BDP1: variants seen among roughly 807,000 people sequenced by gnomAD.
The protein encoded by BDP1 is transcription factor TFIIIB component B'' homolog.
Under a neutral mutation model 266.6 loss-of-function variants are expected in BDP1, and 169 were observed. That is an observed-to-expected ratio of 0.63 (90% CI 0.56 to 0.72). The LOEUF (loss-of-function observed/expected upper bound fraction) is 0.72, where lower values mean the gene tolerates loss of function less well. BDP1 is among the 30% of genes least tolerant of loss of function. BDP1 has a pLI of 0.00. For synonymous variants in BDP1, 1,090 were observed against 1,022.4 expected (o/e 1.07, Z -1.26); for missense variants, 3,015 against 3,053.8 (o/e 0.99, Z 0.30).
chr5:71,510,023 T>C lies in BDP1; in HGVS notation c.2931T>C (p.Thr977=). The part of the protein sequence containing the change: ...REKTPEVTDA[T]EEIDKNLEET... ...AGACACCAGAGGTGACTGATGCCAC[T>C]GAGGAAATAGACAAAAATTTGGAAG... is the stretch of plus-strand genomic sequence containing the variant. The change falls in exon 17 of 39, where the codon ACT becomes ACC. Residue 977 remains threonine (T), a synonymous_variant. Transcript: ENST00000358731. 1 of 1,613,574 alleles carries C rather than the reference T, an allele frequency of 6.2e-7. No homozygotes were observed. The highest frequency in any genetic ancestry group is 1.3e-5 in the African/African-American group (1 of 74,826).
At chr5:71,471,401 C>CA (rs1762243985) in intron 7 of BDP1, among the ~76,000 whole-genome samples, 1 of 152,138 alleles carries the variant, frequency 6.6e-6, no homozygotes, top group African/African-American at 2.4e-5. Flanking sequence ...CTTGGCCTCC[C>CA]ACCAAGTGCT....
chr5:71,476,810 TCTC>T (rs1469688113), intron 7 of BDP1, among the ~76,000 whole-genome samples: 1 of 151,874 alleles, frequency 6.6e-6, no homozygotes, highest in Non-Finnish European at 1.5e-5. Flanking sequence ...TTCACACCAT[TCTC>T]CTGCCTCAGC....
At chr5:71,530,202 T>A (rs372704188) in intron 25 of BDP1, among the ~76,000 whole-genome samples, 21 of 151,788 alleles carry the variant, frequency 1.4e-4, no homozygotes, top group African/African-American at 4.1e-4. Context: ...AACTTTAAAA[T>A]TTTTTTTTGT....
In BDP1 at chr5:71,512,386, A is replaced by G; in HGVS notation, c.4205A>G (p.Gln1402Arg). ...GATAAAACAGAAGTCCAGGGGATTC[A>G]ATCTCCAGATGTTCCAGAGCAGTTT... is the stretch of plus-strand genomic sequence containing the variant. ...ESDKTEVQGI[Q>R]SPDVPEQFSD... The change falls in exon 18 of 39, where the codon CAA becomes CGA. Residue 1402 changes from glutamine (Q) to arginine (R), a missense_variant. By Grantham distance (43) the Gln-to-Arg change is conservative. Coordinates refer to ENST00000358731, the MANE Select transcript of BDP1 (RefSeq NM_018429.3). 1 of 1,585,810 alleles carries G rather than the reference A, an allele frequency of 6.3e-7. No individual in the cohort carries two copies. The highest frequency in any genetic ancestry group is 8.5e-7 in the Non-Finnish European group (1 of 1,172,418).
Position 71,501,638 on chromosome 5 carries a change from C to T in BDP1, c.2033C>T (p.Ala678Val), listed in dbSNP as rs1466790685. The change falls in exon 14 of 39, where the codon GCT (alanine) becomes GTT (valine). Residue 678 changes from alanine (A) to valine (V), a missense_variant. By Grantham distance (64) the Ala-to-Val change is moderately conservative (BLOSUM62 0). Transcript: ENST00000358731. ...ACTACAGAGAGAGAGAATCCAGAAG[C>T]TGAAACTGTATCTGTGTGAGTATTC... is the stretch of plus-strand genomic sequence containing the variant. ...METTERENPE[A>V]ETVSVLGEKN... is the part of the protein sequence containing the mutation. 6.8e-7 allele frequency: 1 copy of T among 1,466,014 alleles called. No homozygotes were observed. 90.8% of individuals were successfully genotyped at this position (1,466,014 alleles called of 1,614,324 possible).
Position 71,522,819 on chromosome 5 carries a change from G to A in BDP1, c.5257G>A (p.Glu1753Lys). The A allele has an allele frequency of 6.2e-7, 1 of 1,613,752 alleles. No individual in the cohort carries two copies. The highest frequency in any genetic ancestry group is 8.5e-7 in the Non-Finnish European group (1 of 1,179,920). ...SARKDCVGSK[E>K]SALAKIDAEL... The stretch of plus-strand genomic sequence containing the variant: ...AAGAAAAGATTGTGTAGGTTCCAAA[G>A]AGTCTGCTTTGGCAAAAATAGATGC... The change falls in exon 24 of 39, where the codon GAG becomes AAG. Residue 1753 changes from glutamate (E) to lysine (K), a missense_variant. Physicochemically the swap from Glu to Lys is moderately conservative, Grantham distance 56 (BLOSUM62 1). This residue lies in a region of BDP1 where 2,383 missense variants were observed against 2,404.9 expected (regional missense o/e 0.99). Coordinates refer to ENST00000358731, the MANE Select transcript of BDP1 (RefSeq NM_018429.3).
At chr5:71,546,202 A>T (rs981617852) in intron 32 of BDP1, among the ~76,000 whole-genome samples, 1 of 152,148 alleles carries the variant, frequency 6.6e-6, no homozygotes, top group African/African-American at 2.4e-5. Flanking sequence ...ATTTTGAAAA[A>T]TTTTAAACTT....
chr5:71,535,367 A>G (rs1434615856), intron 26 of BDP1, among the ~76,000 whole-genome samples: 8 of 151,684 alleles, frequency 5.3e-5, no homozygotes, highest in African/African-American at 1.9e-4. Flanking sequence ...ACCACATCCA[A>G]CTAATTTTTG....
intron 4 of BDP1, among the ~76,000 whole-genome samples, chr5:71,464,792 C>T (rs1271777315): frequency 7.1e-6 from 1 of 140,162 alleles, no homozygotes; most frequent in African/African-American, 2.6e-5. Context: ...GATCTCGGCT[C>T]ACTGCAGCCT....
chr5:71,515,955 A>G (rs1406145221), intron 20 of BDP1, 106 bp from the exon 21 acceptor site: 3 of 714,168 alleles, frequency 4.2e-6, no homozygotes, highest in African/African-American at 1.8e-5. Flanking sequence ...GGTACAAAGT[A>G]TTTTTTAGAG....
In BDP1 at chr5:71,491,056, A is replaced by C. The variant is rs1480143995; in HGVS notation, c.1565A>C (p.Gln522Pro). 1 of 1,614,152 alleles carries C rather than the reference A, an allele frequency of 6.2e-7. No individual in the cohort carries two copies. Among genetic ancestry groups the C allele is most frequent in the South Asian group, 1.1e-5 (1 of 91,074 alleles). ...CSKEQMLSCTQNIDGIVGFAS... is the reference protein window; with the variant it reads ...CSKEQMLSCTPNIDGIVGFAS... ...AAGGAGCAGATGCTTTCCTGCACAC[A>C]AAACATAGATGGCATTGTGGGTTTT... The change falls in exon 11 of 39, where the codon CAA becomes CCA. Residue 522 changes from glutamine to proline, a missense_variant. Gln to Pro is a moderately conservative substitution (Grantham distance 76). This residue lies in a region of BDP1 where 2,383 missense variants were observed against 2,404.9 expected (regional missense o/e 0.99). Transcript: ENST00000358731.
intron 13 of BDP1, among the ~76,000 whole-genome samples, chr5:71,498,504 G>T (rs1411483164): frequency 6.6e-6 from 1 of 151,158 alleles, no homozygotes; most frequent in African/African-American, 2.4e-5. Flanking sequence ...GCTCACTGCA[G>T]CCTCTGCCTC....
chr5:71,483,046 G>A (rs1763051448), intron 7 of BDP1, among the ~76,000 whole-genome samples: 1 of 152,180 alleles, frequency 6.6e-6, no homozygotes, highest in Non-Finnish European at 1.5e-5. Flanking sequence ...AAGTTCTTTT[G>A]AAGGGAGGAA....
chr5:71,466,073 T>C, intron 4 of BDP1, 23 bp from the exon 5 acceptor site: 1 of 1,608,272 alleles, frequency 6.2e-7, no homozygotes, highest in Non-Finnish European at 8.5e-7. Context: ...CTTTGTGAAT[T>C]AACTTATCTT....
At position 71,475,330 on chromosome 5, in the gene BDP1, G is replaced by A. The variant is rs186368001; in HGVS notation, c.1014+4841G>A. 2.9e-3 allele frequency among the ~76,000 whole-genome samples: 441 copies of A among 151,902 alleles called. 3 individuals carry two copies. Among genetic ancestry groups the A allele is most frequent in the African/African-American group, 0.01 (414 of 41,400 alleles). On this transcript the variant is annotated intron_variant, in intron 7 of 38. Coordinates refer to ENST00000358731, the MANE Select transcript of BDP1 (RefSeq NM_018429.3). Reference sequence around the variant, plus strand: ...TCACTGTGTTGCCCAGGTTGGTTTCGAACTCCTTGACTCAAGTGATCCTCT... The same window carrying A: ...TCACTGTGTTGCCCAGGTTGGTTTCAAACTCCTTGACTCAAGTGATCCTCT...
chr5:71,537,230 C>T (rs1364272680), intron 26 of BDP1, among the ~76,000 whole-genome samples: 2 of 145,924 alleles, frequency 1.4e-5, no homozygotes, highest in Non-Finnish European at 3.0e-5. Flanking sequence ...ACATCAGATA[C>T]AGGACTGTGA....
downstream of BDP1, among the ~76,000 whole-genome samples, chr5:71,572,617 C>T (rs1744305234): frequency 6.6e-6 from 1 of 152,206 alleles, no homozygotes; most frequent in South Asian, 2.1e-4. Flanking sequence ...ACATTATGTG[C>T]AGTTGCTTAA....
At position 71,565,100 on chromosome 5, in the gene BDP1, A is replaced by G; in HGVS notation, c.*215A>G. The G allele has an allele frequency of 2.0e-6, 1 of 495,750 alleles. No individual in the cohort carries two copies. The highest frequency in any genetic ancestry group is 3.5e-6 in the Non-Finnish European group (1 of 282,524). 30.7% of individuals were successfully genotyped at this position (495,750 alleles called of 1,614,324 possible). On this transcript the variant is annotated 3_prime_UTR_variant, in exon 39 of 39. Transcript: ENST00000358731. ...ACTGATTCAGCATTTTGCAAATAGCAAGCAATTAAGACTGCTTTCTCAGAC... is the reference window on the plus strand; with the variant it reads ...ACTGATTCAGCATTTTGCAAATAGCGAGCAATTAAGACTGCTTTCTCAGAC...
At chr5:71,479,166 C>T (rs1003617793) in intron 7 of BDP1, among the ~76,000 whole-genome samples, 2 of 151,956 alleles carry the variant, frequency 1.3e-5, no homozygotes, top group African/African-American at 4.8e-5. Flanking sequence ...CCTCAGCCTC[C>T]CGAGTAGCTG....
Sources: gnomAD v4.1 joint callset for allele counts (sites outside exome capture counted in the v4.1 genomes callset) on GRCh38, gnomAD v4.1.1 for gene constraint, gnomAD v4.1.1 regional missense constraint, MANE v1.5 for transcripts, NCBI Gene and HGNC (gene_info 2026-07-23, HGNC 2026-07-21) for gene names.